HDAC9: variants seen among roughly 807,000 people sequenced by gnomAD.
HDAC9 encodes histone deacetylase 9.
HDAC9 carries 41 observed loss-of-function variants against 139.4 expected under a neutral mutation model. That is an observed-to-expected ratio of 0.29 (90% CI 0.23 to 0.38). The LOEUF is 0.38. Ranked by LOEUF, HDAC9 falls within the 10% of genes least tolerant of loss-of-function variation. The pLI is 1.00. For synonymous variants in HDAC9, 517 were observed against 476.2 expected (o/e 1.09, Z -1.12); for missense variants, 1,147 against 1,297.0 (o/e 0.88, Z 1.78).
intron 17 of HDAC9, among the ~76,000 whole-genome samples, chr7:18,803,220 T>TC (rs949893338): frequency 6.6e-6 from 1 of 152,020 alleles, no homozygotes; most frequent in Admixed American, 6.6e-5. Flanking sequence ...ATCTTTTTTT[T>TC]CCCACCAACA....
intron 22 of HDAC9, among the ~76,000 whole-genome samples, chr7:18,932,559 A>T (rs753365341): frequency 8.5e-5 from 13 of 152,092 alleles, no homozygotes; most frequent in Non-Finnish European, 1.8e-4. Flanking sequence ...TTAATAATCT[A>T]CTGCATATTG....
At chr7:18,103,532 G>C (rs1380999515) in intron 1 of HDAC9, among the ~76,000 whole-genome samples, 2 of 152,072 alleles carry the variant, frequency 1.3e-5, no homozygotes, top group Admixed American at 6.6e-5. Flanking sequence ...ATTGTTCATA[G>C]ATGATGACTT....
intron 2 of HDAC9, among the ~76,000 whole-genome samples, chr7:18,212,136 C>T (rs1791979854): frequency 6.6e-6 from 1 of 152,014 alleles, no homozygotes; most frequent in Admixed American, 6.6e-5. Flanking sequence ...CTGACTTCAT[C>T]CCAATTTGAT....
At chr7:18,590,247 C>A in intron 3 of HDAC9, 89 bp from the exon 4 acceptor site, 1 of 1,354,004 alleles carries the variant, frequency 7.4e-7, no homozygotes, top group Non-Finnish European at 1.0e-6. Flanking sequence ...CAAACAAGTT[C>A]CAAAAGCTCA....
At chr7:18,805,261 G>T (rs1793613978) in intron 17 of HDAC9, among the ~76,000 whole-genome samples, 1 of 152,192 alleles carries the variant, frequency 6.6e-6, no homozygotes, top group Non-Finnish European at 1.5e-5. Flanking sequence ...TCTTTAACTT[G>T]TTGCATGTTG....
At chr7:18,442,613 C>T (rs1439693550) in intron 1 of HDAC9, among the ~76,000 whole-genome samples, 1 of 152,204 alleles carries the variant, frequency 6.6e-6, no homozygotes. Flanking sequence ...TACAGTTGTC[C>T]TCAGAGTTAT....
intron 2 of HDAC9, among the ~76,000 whole-genome samples, chr7:18,521,990 T>C (rs549691564): frequency 6.6e-6 from 1 of 152,282 alleles, no homozygotes; most frequent in East Asian, 1.9e-4. Flanking sequence ...TGTCTTCTGT[T>C]ATCATTCTTG....
At chr7:18,524,577 A>G (rs532365492) in intron 2 of HDAC9, among the ~76,000 whole-genome samples, 7 of 152,302 alleles carry the variant, frequency 4.6e-5, no homozygotes, top group African/African-American at 1.7e-4. Flanking sequence ...TCTAACACCA[A>G]TAGCATAACG....
intron 2 of HDAC9, among the ~76,000 whole-genome samples, chr7:18,275,003 A>T (rs1679693710): frequency 6.6e-6 from 1 of 152,162 alleles, no homozygotes; most frequent in South Asian, 2.1e-4. Context: ...CCAAATTTGT[A>T]TGTCTAGCCC....
At chr7:18,259,607 C>T (rs537475961) in intron 2 of HDAC9, among the ~76,000 whole-genome samples, 2 of 152,288 alleles carry the variant, frequency 1.3e-5, no homozygotes, top group South Asian at 4.1e-4. Flanking sequence ...TCAAGGGATT[C>T]ACCTACCTCA....
intron 17 of HDAC9, among the ~76,000 whole-genome samples, chr7:18,803,068 G>A (rs1189839852): frequency 2.0e-5 from 3 of 150,932 alleles, no homozygotes; most frequent in Non-Finnish European, 4.4e-5. Context: ...ACTTTCACCC[G>A]CCCCTTGCTT....
intron 12 of HDAC9, among the ~76,000 whole-genome samples, chr7:18,671,101 A>G (rs1795649571): frequency 6.6e-6 from 1 of 151,980 alleles, no homozygotes; most frequent in African/African-American, 2.4e-5. Context: ...TTCCCAAACT[A>G]ACGCAAAGAA....
intron 1 of HDAC9, among the ~76,000 whole-genome samples, chr7:18,396,266 C>T (rs1038469653): frequency 6.6e-6 from 1 of 152,050 alleles, no homozygotes; most frequent in African/African-American, 2.4e-5. Flanking sequence ...AAACTCCCCA[C>T]TCATACAGAA....
intron 1 of HDAC9, among the ~76,000 whole-genome samples, chr7:18,478,351 G>A (rs532083661): frequency 1.3e-5 from 2 of 152,314 alleles, no homozygotes; most frequent in East Asian, 1.9e-4. Context: ...GATTACAGGC[G>A]TGAGCCGCCA....
At chr7:18,351,020 TC>T (rs1782806892) in intron 1 of HDAC9, among the ~76,000 whole-genome samples, 1 of 152,180 alleles carries the variant, frequency 6.6e-6, no homozygotes, top group South Asian at 2.1e-4. Context: ...TGACTGTAGG[TC>T]TGTGACGGAG....
At chr7:18,525,586 CT>C (rs1477608591) in intron 2 of HDAC9, among the ~76,000 whole-genome samples, 5 of 152,018 alleles carry the variant, frequency 3.3e-5, no homozygotes, top group East Asian at 3.9e-4. Context: ...CATTGCTTTG[CT>C]TTTTTTAAAA....
chr7:18,627,434 G>A (rs1842001664), intron 6 of HDAC9, among the ~76,000 whole-genome samples: 1 of 152,020 alleles, frequency 6.6e-6, no homozygotes, highest in Admixed American at 6.6e-5. Context: ...TCCTTTCTAG[G>A]TTTTAGATAA....
At chr7:18,894,054 T>C (rs1308866063) in intron 22 of HDAC9, among the ~76,000 whole-genome samples, 3 of 152,098 alleles carry the variant, frequency 2.0e-5, no homozygotes, top group African/African-American at 4.8e-5. Context: ...GAACTGGATT[T>C]GCTGGCAGGC....
chr7:18,141,719 G>A (rs1031515632), intron 1 of HDAC9, among the ~76,000 whole-genome samples: 1 of 152,010 alleles, frequency 6.6e-6, no homozygotes, highest in Non-Finnish European at 1.5e-5. Flanking sequence ...ATTTCCACAT[G>A]TCTGTTATTC....
Sources: allele counts gnomAD v4.1 joint callset (sites outside exome capture counted in the v4.1 genomes callset), GRCh38; gene constraint gnomAD v4.1.1; transcripts MANE v1.5; gene names NCBI Gene and HGNC (gene_info 2026-07-23, HGNC 2026-07-21).